MRPS28: variants seen among roughly 807,000 people sequenced by gnomAD.
The protein encoded by MRPS28 is small ribosomal subunit protein bS1m.
MRPS28 carries 7 observed loss-of-function variants against 10.8 expected under a neutral mutation model. That is an observed-to-expected ratio of 0.65 (90% CI 0.37 to 1.22). The LOEUF is 1.22. Among genes scored for constraint, MRPS28 ranks in the 50% most tolerant of loss-of-function variants. MRPS28 has a pLI of 0.02. For missense variants in MRPS28, 265 were observed against 232.9 expected (o/e 1.14, Z -0.90); for synonymous variants, 121 against 93.3 (o/e 1.30, Z -1.71).
chr8:80,003,329 A>G (rs1311468470), intron 1 of MRPS28, 149 bp from the exon 2 acceptor site: 2 of 594,354 alleles, frequency 3.4e-6, no homozygotes, highest in South Asian at 2.9e-5. Context: ...ATGCTCTTCA[A>G]CTTCCTCTTC....
intron 2 of MRPS28, among the ~76,000 whole-genome samples, chr8:79,989,350 TTAAAC>T (rs1286634565): frequency 6.6e-6 from 1 of 152,202 alleles, no homozygotes; most frequent in Non-Finnish European, 1.5e-5. Flanking sequence ...TTTATACGGT[TTAAAC>T]TAAGGTACAA....
At chr8:79,928,811 G>GA (rs1266946702) in intron 2 of MRPS28, among the ~76,000 whole-genome samples, 1 of 162 alleles carries the variant, frequency 6.2e-3, no homozygotes, top group Non-Finnish European at 0.021. Context: ...CTTTGGAGCT[G>GA]AGTGGGCGGA....
intron 2 of MRPS28, among the ~76,000 whole-genome samples, chr8:79,919,804 T>C (rs984416402): frequency 6.6e-6 from 1 of 152,152 alleles, no homozygotes; most frequent in Non-Finnish European, 1.5e-5. Context: ...TAAAACTTTA[T>C]TTTTTTATTA....
chr8:79,944,458 C>T (rs2123269), intron 2 of MRPS28, among the ~76,000 whole-genome samples: 112,306 of 152,134 alleles, frequency 0.74, 41,674 homozygotes, highest in East Asian at 0.84. Flanking sequence ...CTATATGCTA[C>T]GTTTATATGT....
At chr8:79,919,234 T>G in intron 2 of MRPS28, 86 bp from the exon 3 acceptor site, 1 of 1,082,012 alleles carries the variant, frequency 9.2e-7, no homozygotes, top group Non-Finnish European at 1.2e-6. Context: ...AAATTCCAAT[T>G]TTAATTTGTG....
chr8:79,929,226 C>G (rs1459644329), intron 2 of MRPS28, among the ~76,000 whole-genome samples: 1 of 152,162 alleles, frequency 6.6e-6, no homozygotes, highest in Non-Finnish European at 1.5e-5. Context: ...GGTTTTAGAT[C>G]ATCACAAGCT....
At chr8:80,001,717 G>C (rs578097866) in intron 2 of MRPS28, among the ~76,000 whole-genome samples, 1 of 152,258 alleles carries the variant, frequency 6.6e-6, no homozygotes, top group South Asian at 2.1e-4. Flanking sequence ...TCATGCTCAA[G>C]CCATTCCTCT....
Position 79,974,561 on chromosome 8 carries a change from C to T in MRPS28, c.395+28438G>A, listed in dbSNP as rs188107993. Among the ~76,000 whole-genome samples, 10 of 148,488 alleles carry T rather than the reference C, an allele frequency of 6.7e-5. No homozygotes were observed. The East Asian group carries it at 2.0e-3, about 29-fold the overall frequency. ...GTCTCAAAAACAAAACAAAACAAAA[C>T]AAAATAAAAAAACAAAAAAAAAACA... On this transcript the variant is annotated intron_variant, in intron 2 of 2. Transcript: ENST00000276585.
At chr8:80,011,823 A>G (rs1809059978) in intron 1 of MRPS28, among the ~76,000 whole-genome samples, 1 of 152,198 alleles carries the variant, frequency 6.6e-6, no homozygotes, top group Non-Finnish European at 1.5e-5. Flanking sequence ...ATACAGTAGT[A>G]GCAGATCCAG....
intron 2 of MRPS28, among the ~76,000 whole-genome samples, chr8:79,952,129 C>CT (rs1424132210): frequency 6.6e-6 from 1 of 152,116 alleles, no homozygotes; most frequent in Non-Finnish European, 1.5e-5. Context: ...CCCCTTCCTC[C>CT]AAGTAGATTT....
intron 1 of MRPS28, among the ~76,000 whole-genome samples, chr8:80,010,891 T>C (rs758753831): frequency 3.3e-4 from 50 of 152,220 alleles, no homozygotes; most frequent in Admixed American, 9.8e-4. Context: ...TCAGTAGGCC[T>C]AGAGGCCAAC....
intron 1 of MRPS28, among the ~76,000 whole-genome samples, chr8:80,019,856 G>A (rs1809306775): frequency 6.6e-6 from 1 of 152,176 alleles, no homozygotes; most frequent in African/African-American, 2.4e-5. Context: ...TGTAAACCAA[G>A]AGTATGAGAC....
At chr8:79,996,143 T>C (rs1808497599) in intron 2 of MRPS28, among the ~76,000 whole-genome samples, 2 of 152,310 alleles carry the variant, frequency 1.3e-5, no homozygotes, top group South Asian at 4.1e-4. Context: ...AAAGAACCAA[T>C]AAACAATTAA....
chr8:80,030,046 G>C lies in MRPS28; in HGVS notation c.203C>G (p.Pro68Arg). Residue 68 changes from proline (P) to arginine (R), a missense_variant, in exon 1 of 3, where the codon CCC (proline) becomes CGC (arginine). Coordinates refer to ENST00000276585, the MANE Select transcript of MRPS28 (RefSeq NM_014018.3). ...RHSELLQKVE[P>R]LQKGSPKNVE... ...CCGCCCGGGCTCCACCTTCTGTAGG[G>C]GCTCCACCTTCTGTAGAAGCTCCGA... The C allele has an allele frequency of 3.1e-6, 5 of 1,613,362 alleles. No individual in the cohort carries two copies. Among genetic ancestry groups the C allele is most frequent in the Non-Finnish European group, 4.2e-6 (5 of 1,179,716 alleles).
chr8:80,015,673 A>G (rs1809177144), intron 1 of MRPS28, among the ~76,000 whole-genome samples: 1 of 152,210 alleles, frequency 6.6e-6, no homozygotes, highest in Admixed American at 6.5e-5. Flanking sequence ...AGCAAAAAAC[A>G]CAGTTTGAAG....
intron 2 of MRPS28, among the ~76,000 whole-genome samples, chr8:79,992,443 C>A (rs1408852200): frequency 1.3e-5 from 2 of 152,146 alleles, no homozygotes; most frequent in Non-Finnish European, 2.9e-5. Context: ...TTGGGAGGCA[C>A]TTTTTTGTCT....
chr8:80,011,209 C>T (rs1231103557), intron 1 of MRPS28, among the ~76,000 whole-genome samples: 1 of 149,976 alleles, frequency 6.7e-6, no homozygotes. Flanking sequence ...ATTATTCCAT[C>T]CATAGTAGCT....
At chr8:79,963,809 G>T (rs1289221206) in intron 2 of MRPS28, among the ~76,000 whole-genome samples, 1 of 152,072 alleles carries the variant, frequency 6.6e-6, no homozygotes, top group African/African-American at 2.4e-5. Flanking sequence ...AGGAAGTGAA[G>T]GCGGAAGAAT....
At chr8:79,953,483 T>C (rs1807129292) in intron 2 of MRPS28, among the ~76,000 whole-genome samples, 1 of 152,192 alleles carries the variant, frequency 6.6e-6, no homozygotes, top group African/African-American at 2.4e-5. Context: ...GTCTTTTTCA[T>C]AAATTGTTCT....
Sources: gnomAD v4.1 joint callset for allele counts (sites outside exome capture counted in the v4.1 genomes callset) on GRCh38, gnomAD v4.1.1 for gene constraint, MANE v1.5 for transcripts, NCBI Gene and HGNC (gene_info 2026-07-23, HGNC 2026-07-21) for gene names.